The following DDAH1 variants were observed in gnomAD, a reference collection of about 807,000 sequenced individuals.
The protein encoded by DDAH1 is dimethylarginine dimethylaminohydrolase 1.
In DDAH1, 19 loss-of-function variants were observed where a neutral mutation model predicts 28.8. The observed-to-expected ratio is 0.66, with a 90% CI of 0.46 to 0.97. The LOEUF (loss-of-function observed/expected upper bound fraction) is 0.97, where lower values mean the gene tolerates loss of function less well. DDAH1 is among the 50% of genes least tolerant of loss of function. DDAH1 has a pLI of 0.00. For synonymous variants in DDAH1, 153 were observed against 154.4 expected, an observed-to-expected ratio of 0.99 and a Z score of 0.07; for missense variants, 326 against 375.9, an observed-to-expected ratio of 0.87 and a Z score of 1.10.
chr1:85,360,879 A>G (rs568130741), intron 1 of DDAH1, among the ~76,000 whole-genome samples: 2 of 152,348 alleles, frequency 1.3e-5, no homozygotes, highest in South Asian at 4.1e-4. Context: ...CTGCACTGAC[A>G]TTAAAAAAAC....
intron 2 of DDAH1, among the ~76,000 whole-genome samples, chr1:85,473,820 C>G (rs1655704656): frequency 6.6e-6 from 1 of 152,302 alleles, no homozygotes; most frequent in East Asian, 1.9e-4. Context: ...GCCTCCATCT[C>G]TTTTCTTCCA....
intron 1 of DDAH1, among the ~76,000 whole-genome samples, chr1:85,392,790 TAAAAAAAAAA>T (rs11314404): frequency 0.036 from 3,935 of 109,432 alleles, 201 homozygotes; most frequent in African/African-American, 0.13. Context: ...AGACTCTGTC[TAAAAAAAAAA>T]AAAAAAAAAA....
intron 4 of DDAH1, among the ~76,000 whole-genome samples, chr1:85,343,757 G>C (rs1054936321): frequency 6.6e-6 from 1 of 152,122 alleles, no homozygotes; most frequent in Non-Finnish European, 1.5e-5. Flanking sequence ...GAAATTCCAG[G>C]CAATAAAAAG....
intron 1 of DDAH1, among the ~76,000 whole-genome samples, chr1:85,396,239 T>C (rs188127532): frequency 2.4e-4 from 37 of 152,298 alleles, no homozygotes; most frequent in African/African-American, 7.0e-4. Context: ...TATAAAGGAA[T>C]ACCTAAGGCT....
At position 85,560,030 on chromosome 1, in the gene DDAH1, C is replaced by T. The variant is rs1570675295; in HGVS notation, c.-123+17954G>A. 2.0e-5 allele frequency among the ~76,000 whole-genome samples: 3 copies of T among 151,788 alleles called. No individual in the cohort carries two copies. The East Asian group carries it at 5.8e-4, about 29-fold the overall frequency. ...TGACACCAAGACAAATCATTGAAAA[C>T]CAGTGATAAGGAGAAAATACCAAAA... On this transcript the variant is annotated intron_variant, in intron 1 of 6. Coordinates refer to the DDAH1 transcript ENST00000426972.
At chr1:85,566,905 C>T (rs1659321158) in intron 1 of DDAH1, among the ~76,000 whole-genome samples, 1 of 152,100 alleles carries the variant, frequency 6.6e-6, no homozygotes, top group South Asian at 2.1e-4. Context: ...ATGCTGGAGA[C>T]CTAGGGGAGC....
chr1:85,521,461 G>C (rs1192521929), intron 1 of DDAH1, among the ~76,000 whole-genome samples: 3 of 151,818 alleles, frequency 2.0e-5, no homozygotes, highest in Non-Finnish European at 2.9e-5. Context: ...AACTCATGCT[G>C]TCTTTAATGG....
chr1:85,497,645 G>T (rs1656647607), intron 1 of DDAH1, among the ~76,000 whole-genome samples: 1 of 152,132 alleles, frequency 6.6e-6, no homozygotes, highest in African/African-American at 2.4e-5. Flanking sequence ...ACACATGATT[G>T]CAAACATTTA....
At chr1:85,334,709 T>A (rs756965844) in intron 4 of DDAH1, among the ~76,000 whole-genome samples, 2 of 152,316 alleles carry the variant, frequency 1.3e-5, no homozygotes, top group Non-Finnish European at 2.9e-5. Context: ...ACCTGCAGAA[T>A]TGTGAGTCAA....
chr1:85,472,432 G>T (rs1655648422), intron 2 of DDAH1, among the ~76,000 whole-genome samples: 1 of 152,112 alleles, frequency 6.6e-6, no homozygotes, highest in Non-Finnish European at 1.5e-5. Context: ...ATGTGTACAT[G>T]CTAAATAAAT....
chr1:85,384,172 C>T (rs915360738), intron 1 of DDAH1, among the ~76,000 whole-genome samples: 5 of 152,140 alleles, frequency 3.3e-5, no homozygotes, highest in African/African-American at 7.2e-5. Flanking sequence ...CTCATTTCTG[C>T]GTGAGTTCTG....
Position 85,369,163 on chromosome 1 carries a change from C to T in DDAH1, c.304-10316G>A, listed in dbSNP as rs1428300279. ...GCAGCCTCAACCTCCCTGGCTCAAA[C>T]AATCCTCCCACCTCAGCCTCCTGAG... On this transcript the variant is annotated intron_variant, in intron 1 of 5. Coordinates refer to ENST00000284031, the MANE Select transcript of DDAH1 (RefSeq NM_012137.4). 2.7e-5 allele frequency among the ~76,000 whole-genome samples: 4 copies of T among 145,464 alleles called. No homozygotes were observed. In the Admixed American group the frequency reaches 2.9e-4, roughly 10 times the overall value.
chr1:85,413,288 G>T (rs1016961207), intron 1 of DDAH1, among the ~76,000 whole-genome samples: 1 of 152,188 alleles, frequency 6.6e-6, no homozygotes, highest in Non-Finnish European at 1.5e-5. Flanking sequence ...GCCTTAGCAC[G>T]TATTTTTTGC....
chr1:85,421,800 A>G (rs1309044578), intron 1 of DDAH1, among the ~76,000 whole-genome samples: 1 of 152,188 alleles, frequency 6.6e-6, no homozygotes, highest in Non-Finnish European at 1.5e-5. Flanking sequence ...ATATTCCTTT[A>G]TATTCATGTA....
chr1:85,495,449 A>C (rs750148896), intron 2 of DDAH1: 1 of 152,218 alleles, frequency 6.6e-6, no homozygotes, highest in African/African-American at 2.4e-5. Context: ...AAATGGGCAG[A>C]TGTAATTGTT....
In DDAH1 at chr1:85,390,405, T is replaced by TCCC. The variant is rs1289703750; in HGVS notation, c.304-31559_304-31558insGGG. ...AGACATTCTACAGCGTATGTGGGGA[T>TCCC]TATAGGAACTACAAGATGAGATTTG... On this transcript the variant is annotated intron_variant, in intron 1 of 5. Transcript: ENST00000284031. 2.0e-5 allele frequency among the ~76,000 whole-genome samples: 3 copies of TCCC among 152,126 alleles called. No homozygotes were observed. In the East Asian group the frequency reaches 5.8e-4, roughly 29 times the overall value.
intron 1 of DDAH1, among the ~76,000 whole-genome samples, chr1:85,527,874 A>T (rs1434666114): frequency 1.3e-5 from 2 of 152,212 alleles, no homozygotes; most frequent in East Asian, 3.8e-4. Context: ...TGAAGTTTTT[A>T]AAAATTCTAT....
chr1:85,360,639 T>C (rs1183327430), intron 1 of DDAH1, among the ~76,000 whole-genome samples: 1 of 152,130 alleles, frequency 6.6e-6, no homozygotes, highest in Non-Finnish European at 1.5e-5. Flanking sequence ...TTAGGAGGAG[T>C]TGAGCAATAA....
rs1661321538 is a variant in DDAH1, at chr1:85,321,174, G to A, written c.*278C>T. On this transcript the variant is annotated 3_prime_UTR_variant, in exon 6 of 6. Transcript: ENST00000284031. The stretch of plus-strand genomic sequence containing the variant: ...CACCAAAAATACAGACACTAAATGA[G>A]TGTTTCCTTACTGGGATTAATCACA... 1 of 290,666 alleles carries A rather than the reference G, an allele frequency of 3.4e-6. No homozygotes were observed. The highest frequency in any genetic ancestry group is 4.8e-5 in the Admixed American group (1 of 20,650). The allele number at this position is 290,666 out of a possible 1,614,324, so 18.0% of individuals were successfully genotyped here. A position where few individuals can be genotyped will look rare whatever the true frequency, so the allele number is the denominator to read the frequency against.
Sources: allele counts gnomAD v4.1 joint callset (sites outside exome capture counted in the v4.1 genomes callset), GRCh38; gene constraint gnomAD v4.1.1; transcripts MANE v1.5; gene names NCBI Gene and HGNC (gene_info 2026-07-23, HGNC 2026-07-21).